The following MAPK10 variants were observed in gnomAD, a reference collection of about 807,000 sequenced individuals.
MAPK10 encodes mitogen-activated protein kinase 10.
In MAPK10, 25 loss-of-function variants were observed where a neutral mutation model predicts 59.3. That is an observed-to-expected ratio of 0.42 (90% CI 0.31 to 0.59). MAPK10 has a LOEUF of 0.59. Ranked by LOEUF, MAPK10 falls within the 20% of genes least tolerant of loss-of-function variation. The probability of loss-of-function intolerance (pLI) is 0.15; values close to 1 mark genes in which losing one functional copy is unlikely to be tolerated. For synonymous variants in MAPK10, 190 were observed against 200.5 expected, an observed-to-expected ratio of 0.95 and a Z score of 0.44; for missense variants, 351 against 568.9, an observed-to-expected ratio of 0.62 and a Z score of 3.90.
chr4:86,224,592 G>A (rs10516772), intron 2 of MAPK10, among the ~76,000 whole-genome samples: 2,421 of 152,174 alleles, frequency 0.016, 79 homozygotes, highest in African/African-American at 0.055. Context: ...TGATTACACC[G>A]GGTCAGTATG....
intron 12 of MAPK10, 69 bp from the exon 13 acceptor site, chr4:86,029,343 AAT>A: frequency 1.1e-6 from 1 of 899,948 alleles, no homozygotes; most frequent in Non-Finnish European, 1.8e-6. Context: ...TTCATTACTT[AAT>A]GCCAAATAAT....
intron 1 of MAPK10, among the ~76,000 whole-genome samples, chr4:86,409,003 T>C (rs1044814790): frequency 1.3e-5 from 2 of 152,228 alleles, no homozygotes; most frequent in African/African-American, 2.4e-5. Flanking sequence ...TGGTATTGCC[T>C]AGGTTTTCTT....
intron 1 of MAPK10, among the ~76,000 whole-genome samples, chr4:86,415,709 A>G (rs1745778881): frequency 6.6e-6 from 1 of 152,328 alleles, no homozygotes; most frequent in Middle Eastern, 3.4e-3. Context: ...ATTTTCTCTC[A>G]TATTCTCACA....
intron 1 of MAPK10, among the ~76,000 whole-genome samples, chr4:86,507,419 T>A (rs1303431634): frequency 6.6e-6 from 1 of 151,224 alleles, no homozygotes; most frequent in Non-Finnish European, 1.5e-5. Flanking sequence ...AGGGCAATAA[T>A]CATTATCCAC....
intron 9 of MAPK10, among the ~76,000 whole-genome samples, chr4:86,088,206 C>A (rs1024284237): frequency 1.3e-5 from 2 of 152,152 alleles, no homozygotes; most frequent in Admixed American, 6.6e-5. Context: ...GAGACAGGGT[C>A]TCACTCTGTT....
chr4:86,134,964 T>C (rs566811728), intron 4 of MAPK10, among the ~76,000 whole-genome samples: 10 of 152,182 alleles, frequency 6.6e-5, no homozygotes, highest in Non-Finnish European at 1.5e-4. Flanking sequence ...ACCTGAATAC[T>C]GCGCTTTTCC....
intron 4 of MAPK10, among the ~76,000 whole-genome samples, chr4:86,140,095 G>C (rs7654005): frequency 0.95 from 104,048 of 109,972 alleles, 49,556 homozygotes; most frequent in Non-Finnish European, 0.96. Context: ...GGACTGTAAA[G>C]TAGTTCAGCC....
intron 3 of MAPK10, among the ~76,000 whole-genome samples, chr4:86,170,414 G>A (rs1044447644): frequency 2.6e-5 from 4 of 152,142 alleles, no homozygotes; most frequent in African/African-American, 7.2e-5. Context: ...TACAATCCTA[G>A]TCTCTGATAA....
At chr4:86,239,605 G>C (rs1367775871) in intron 2 of MAPK10, among the ~76,000 whole-genome samples, 1 of 151,644 alleles carries the variant, frequency 6.6e-6, no homozygotes. Context: ...GAATTTATCT[G>C]TTTCTTCTAG....
At position 86,112,397 on chromosome 4, in the gene MAPK10, G is replaced by A. The variant is rs191652539; in HGVS notation, c.237-5045C>T. On this transcript the variant is annotated intron_variant, in intron 4 of 13. Coordinates refer to ENST00000641462, the MANE Select transcript of MAPK10 (RefSeq NM_138982.4). ...GACACTGCTTTAGCTGCATCCCAGA[G>A]GTTCTGGTATGTTGTCTCTTTGTTC... 4.6e-3 allele frequency among the ~76,000 whole-genome samples: 704 copies of A among 152,228 alleles called. 2 individuals are homozygous for A. The highest frequency in any genetic ancestry group is 0.016 in the African/African-American group (659 of 41,540).
At chr4:86,431,130 A>T (rs1747992264) in intron 1 of MAPK10, among the ~76,000 whole-genome samples, 1 of 152,144 alleles carries the variant, frequency 6.6e-6, no homozygotes, top group Admixed American at 6.5e-5. Context: ...GAAAAAAGAA[A>T]AGGAAGATAA....
At chr4:86,259,557 C>G (rs892777972) in intron 2 of MAPK10, among the ~76,000 whole-genome samples, 9 of 152,022 alleles carry the variant, frequency 5.9e-5, no homozygotes, top group African/African-American at 2.2e-4. Flanking sequence ...AGGAAGCATT[C>G]AAACCACATT....
intron 3 of MAPK10, among the ~76,000 whole-genome samples, chr4:86,186,577 G>C (rs1262346068): frequency 6.6e-6 from 1 of 152,050 alleles, no homozygotes; most frequent in Admixed American, 6.6e-5. Context: ...TAAAGCAAAA[G>C]AGTTATTTTA....
intron 1 of MAPK10, among the ~76,000 whole-genome samples, chr4:86,511,743 G>A (rs1158948760): frequency 6.7e-6 from 1 of 148,284 alleles, no homozygotes; most frequent in Non-Finnish European, 1.5e-5. Context: ...GGGAGCGAGA[G>A]GGAAAGGGGG....
Position 86,052,198 on chromosome 4 carries a change from A to G in MAPK10, c.1110+12068T>C, listed in dbSNP as rs147776106. 5.3e-5 allele frequency among the ~76,000 whole-genome samples: 8 copies of G among 152,290 alleles called. No homozygotes were observed. In the East Asian group the frequency reaches 1.3e-3, roughly 26 times the overall value. ...AAAAAAAGTAGGACTTTTACAGATG[A>G]AAGAGCATTTTAATACAAATTTTAA... On this transcript the variant is annotated intron_variant, in intron 11 of 13. Transcript: ENST00000641462.
chr4:86,503,212 T>C (rs889582936), intron 1 of MAPK10, among the ~76,000 whole-genome samples: 1 of 152,136 alleles, frequency 6.6e-6, no homozygotes, highest in African/African-American at 2.4e-5. Flanking sequence ...CATCATGCAA[T>C]TTCAAAATTT....
chr4:86,565,083 C>T (rs1760965028), intron 1 of MAPK10, among the ~76,000 whole-genome samples: 5 of 152,104 alleles, frequency 3.3e-5, no homozygotes, highest in African/African-American at 7.2e-5. Flanking sequence ...CAGATGGCTC[C>T]CATGTTCACT....
chr4:86,494,905 A>G (rs537675741), intron 1 of MAPK10, among the ~76,000 whole-genome samples: 23 of 147,310 alleles, frequency 1.6e-4, no homozygotes, highest in African/African-American at 5.1e-4. Context: ...ATGTATCAAT[A>G]ACTAAATATT....
intron 3 of MAPK10, among the ~76,000 whole-genome samples, chr4:86,167,918 G>T (rs968685726): frequency 6.6e-6 from 1 of 152,130 alleles, no homozygotes; most frequent in African/African-American, 2.4e-5. Context: ...TATTCAAATA[G>T]GAAAAGAGGA....
Sources: gnomAD v4.1 joint callset for allele counts (sites outside exome capture counted in the v4.1 genomes callset) on GRCh38, gnomAD v4.1.1 for gene constraint, MANE v1.5 for transcripts, NCBI Gene and HGNC (gene_info 2026-07-23, HGNC 2026-07-21) for gene names.